SUGCT: variants seen among roughly 807,000 people sequenced by gnomAD.
The protein encoded by SUGCT is succinyl-CoA:glutarate-CoA transferase, also known as succinyl-CoA:glutarate CoA-transferase.
A neutral mutation model predicts 55.0 loss-of-function variants in SUGCT; 41 were observed. The ratio of observed to expected loss-of-function variants is 0.74; its 90% CI spans 0.58 to 0.97. The LOEUF is 0.97. Ranked by LOEUF, SUGCT falls within the 50% of genes least tolerant of loss-of-function variation. SUGCT has a pLI of 0.00. For synonymous variants in SUGCT, 187 were observed against 200.4 expected (o/e 0.93, Z 0.56); for missense variants, 568 against 547.8 (o/e 1.04, Z -0.37).
intron 8 of SUGCT, among the ~76,000 whole-genome samples, chr7:40,306,629 T>C (rs1794864935): frequency 6.6e-6 from 1 of 152,226 alleles, no homozygotes; most frequent in Non-Finnish European, 1.5e-5. Context: ...AGCAGAAATA[T>C]TTTGAATATC....
In SUGCT at chr7:40,459,209, ATGT is replaced by A; in HGVS notation, c.986+15_986+17del. 6.6e-7 allele frequency: 1 copy of A among 1,516,464 alleles called. No homozygotes were observed. Among genetic ancestry groups the A allele is most frequent in the Non-Finnish European group, 9.1e-7 (1 of 1,096,308 alleles). The allele number at this position is 1,516,464 out of a possible 1,614,324, so 93.9% of individuals were successfully genotyped here. Reference sequence around the variant, plus strand: ...AATATTATCTGAACGGTAAGTTTGGATGTTGTATTCATCCATTTAAGAATTAAT... The same window carrying A: ...AATATTATCTGAACGGTAAGTTTGGATGTATTCATCCATTTAAGAATTAAT... On this transcript the variant is annotated intron_variant, in intron 11 of 13. Transcript: ENST00000335693.
chr7:40,686,511 G>A (rs1033546468), intron 12 of SUGCT, among the ~76,000 whole-genome samples: 1 of 152,194 alleles, frequency 6.6e-6, no homozygotes, highest in Non-Finnish European at 1.5e-5. Context: ...ATATTTCAGA[G>A]CGTGGCATTG....
chr7:40,432,204 T>C (rs1172699759), intron 9 of SUGCT, among the ~76,000 whole-genome samples: 1 of 152,180 alleles, frequency 6.6e-6, no homozygotes, highest in Non-Finnish European at 1.5e-5. Flanking sequence ...GAACTTTCCT[T>C]CTATAGATTT....
intron 12 of SUGCT, among the ~76,000 whole-genome samples, chr7:40,706,415 A>G (rs1354501313): frequency 1.3e-5 from 2 of 152,152 alleles, no homozygotes; most frequent in Non-Finnish European, 2.9e-5. Flanking sequence ...GCTAGGCAGG[A>G]GAATCGTTTG....
At chr7:40,191,531 AC>A (rs1189434924) in intron 5 of SUGCT, among the ~76,000 whole-genome samples, 2 of 152,180 alleles carry the variant, frequency 1.3e-5, no homozygotes, top group East Asian at 3.9e-4. Flanking sequence ...TCCTGATCTT[AC>A]CACTCTTTCT....
chr7:40,638,522 C>G (rs1283842990), intron 12 of SUGCT, among the ~76,000 whole-genome samples: 1 of 152,144 alleles, frequency 6.6e-6, no homozygotes, highest in African/African-American at 2.4e-5. Flanking sequence ...TGACTGAACA[C>G]ATGTTCCAAG....
intron 12 of SUGCT, among the ~76,000 whole-genome samples, chr7:40,529,399 G>A (rs1793969296): frequency 6.6e-6 from 1 of 152,198 alleles, no homozygotes; most frequent in Admixed American, 6.5e-5. Flanking sequence ...GAGGACCAGT[G>A]CACCAAGGAG....
chr7:40,348,587 C>A (rs924943214), intron 9 of SUGCT, among the ~76,000 whole-genome samples: 1 of 152,186 alleles, frequency 6.6e-6, no homozygotes, highest in African/African-American at 2.4e-5. Context: ...AACCTCTCCA[C>A]TCCCCCACCT....
At chr7:40,822,931 G>A (rs1792103721) in intron 13 of SUGCT, among the ~76,000 whole-genome samples, 1 of 152,024 alleles carries the variant, frequency 6.6e-6, no homozygotes, top group African/African-American at 2.4e-5. Flanking sequence ...GCAAGAGTTT[G>A]ACTAAATATT....
chr7:40,171,823 T>A (rs1403563215), intron 1 of SUGCT, among the ~76,000 whole-genome samples: 2 of 152,236 alleles, frequency 1.3e-5, no homozygotes, highest in Non-Finnish European at 2.9e-5. Context: ...TACGCCCTTG[T>A]TTACACTGAC....
chr7:40,186,336 G>A (rs1785508042), intron 3 of SUGCT, among the ~76,000 whole-genome samples: 1 of 151,084 alleles, frequency 6.6e-6, no homozygotes, highest in Non-Finnish European at 1.5e-5. Flanking sequence ...CTGGCTCAGT[G>A]CAGCATTGAC....
intron 12 of SUGCT, chr7:40,499,062 G>T: frequency 2.2e-6 from 1 of 456,592 alleles, no homozygotes; most frequent in Non-Finnish European, 4.4e-6. Context: ...GTTTCTTGGC[G>T]CTTGGTGCAT....
the SUGCT span, among the ~76,000 whole-genome samples, chr7:41,024,661 C>CA: frequency 0.47 from 56,698 of 121,188 alleles, 12,010 homozygotes; most frequent in Non-Finnish European, 0.48. Context: ...AACAATTTGG[C>CA]AAAAAAAAAA....
At chr7:40,209,567 C>T (rs181205308) in intron 6 of SUGCT, among the ~76,000 whole-genome samples, 37 of 152,200 alleles carry the variant, frequency 2.4e-4, no homozygotes, top group African/African-American at 7.5e-4. Flanking sequence ...GAGGCCAAGG[C>T]GGCTGAATCA....
At chr7:40,306,894 G>A (rs1051339979) in intron 8 of SUGCT, among the ~76,000 whole-genome samples, 80 of 152,070 alleles carry the variant, frequency 5.3e-4, no homozygotes, top group African/African-American at 1.9e-3. Flanking sequence ...TTGCTGTCTG[G>A]TCTTACCTCT....
chr7:40,519,823 A>G (rs758601198), intron 12 of SUGCT, among the ~76,000 whole-genome samples: 116 of 152,218 alleles, frequency 7.6e-4, no homozygotes, highest in Non-Finnish European at 1.4e-3. Flanking sequence ...AGACAGATTC[A>G]GTGTGAAACT....
chr7:40,229,072 A>G (rs749782494), intron 6 of SUGCT, among the ~76,000 whole-genome samples: 12 of 152,126 alleles, frequency 7.9e-5, no homozygotes, highest in African/African-American at 2.9e-4. Flanking sequence ...TTCCTGCCCC[A>G]TCCTGGAATC....
the SUGCT span, among the ~76,000 whole-genome samples, chr7:40,899,446 C>T: frequency 6.6e-6 from 1 of 152,204 alleles, no homozygotes; most frequent in Non-Finnish European, 1.5e-5. Flanking sequence ...AGCCATTTAC[C>T]TCTGTGAAGC....
At chr7:40,739,276 G>A (rs1045364201) in intron 12 of SUGCT, among the ~76,000 whole-genome samples, 1 of 152,078 alleles carries the variant, frequency 6.6e-6, no homozygotes, top group African/African-American at 2.4e-5. Context: ...AACTTCTGGA[G>A]ACCCCCAATC....
Sources: gnomAD v4.1 joint callset for allele counts (sites outside exome capture counted in the v4.1 genomes callset) on GRCh38, gnomAD v4.1.1 for gene constraint, MANE v1.5 for transcripts, NCBI Gene and HGNC (gene_info 2026-07-23, HGNC 2026-07-21) for gene names.